The following EMC7 variants were observed in gnomAD, a reference collection of about 807,000 sequenced individuals.
EMC7 encodes endoplasmic reticulum membrane protein complex subunit 7.
In EMC7, 4 loss-of-function variants were observed where a neutral mutation model predicts 24.4. That is an observed-to-expected ratio of 0.16 (90% confidence interval 0.08 to 0.38). The LOEUF is 0.38. Ranked by LOEUF, EMC7 falls within the 10% of genes least tolerant of loss-of-function variation. The pLI is 1.00. For synonymous variants in EMC7, 106 were observed against 112.0 expected (o/e 0.95, Z 0.34); for missense variants, 221 against 300.6 (o/e 0.74, Z 1.96).
intron 4 of EMC7, among the ~76,000 whole-genome samples, chr15:34,084,755 T>A (rs936987786): frequency 7.3e-6 from 1 of 137,286 alleles, no homozygotes; most frequent in Non-Finnish European, 1.6e-5. Context: ...TTTTTTTTTT[T>A]ATTATTATAC....
chr15:34,100,791 C>T (rs1449975928), intron 1 of EMC7: 1 of 152,108 alleles, frequency 6.6e-6, no homozygotes, highest in East Asian at 1.9e-4. Context: ...ACAGTTTCAC[C>T]TCCAAGTAAG....
At chr15:34,095,870 CA>C in intron 2 of EMC7, 24 bp downstream of exon 2, 1 of 1,579,028 alleles carries the variant, frequency 6.3e-7, no homozygotes. Flanking sequence ...TAGCTTTTGG[CA>C]AAAATTAAAT....
intron 2 of EMC7, 138 bp downstream of exon 2, chr15:34,095,757 G>A (rs1003330136): frequency 1.3e-6 from 1 of 790,288 alleles, no homozygotes; most frequent in African/African-American, 1.8e-5. Context: ...AATAAACGAG[G>A]ATATTTTAAG....
At chr15:34,090,636 A>G (rs1900962264) in intron 2 of EMC7, among the ~76,000 whole-genome samples, 181 bp from the exon 3 acceptor site, 1 of 152,226 alleles carries the variant, frequency 6.6e-6, no homozygotes, top group Non-Finnish European at 1.5e-5. Context: ...CATGTCTAAA[A>G]TATGCAGCAA....
At chr15:34,093,962 C>T (rs751594536) in intron 2 of EMC7, among the ~76,000 whole-genome samples, 10 of 148,938 alleles carry the variant, frequency 6.7e-5, no homozygotes, top group African/African-American at 2.2e-4. Context: ...GAGGCTGTAG[C>T]GGGCTATGAT....
chr15:34,086,221 A>G, intron 4 of EMC7: 1 of 363,456 alleles, frequency 2.8e-6, no homozygotes. Context: ...CAGTTAAGCT[A>G]AATTTTGACA....
chr15:34,094,157 C>T (rs1901025660), intron 2 of EMC7, among the ~76,000 whole-genome samples: 1 of 151,786 alleles, frequency 6.6e-6, no homozygotes, highest in Non-Finnish European at 1.5e-5. Context: ...GTAATCCCAG[C>T]ACTTTGGGAG....
At chr15:34,092,706 G>A (rs963618548) in intron 2 of EMC7, among the ~76,000 whole-genome samples, 2 of 151,752 alleles carry the variant, frequency 1.3e-5, no homozygotes, top group Non-Finnish European at 2.9e-5. Context: ...TTTAACCTAT[G>A]CTTCAGACAT....
At chr15:34,091,073 AT>A (rs552827890) in intron 2 of EMC7, among the ~76,000 whole-genome samples, 42 of 151,912 alleles carry the variant, frequency 2.8e-4, no homozygotes, top group African/African-American at 9.7e-4. Flanking sequence ...GTGTTGGGAA[AT>A]TTTTTTTCTG....
chr15:34,087,255 G>A (rs1004239090), intron 4 of EMC7, among the ~76,000 whole-genome samples: 1 of 152,150 alleles, frequency 6.6e-6, no homozygotes, highest in African/African-American at 2.4e-5. Flanking sequence ...ATAAAATGGG[G>A]AACCTTGAAA....
intron 1 of EMC7, 33 bp downstream of exon 1, chr15:34,101,571 C>A (rs773264770): frequency 1.2e-6 from 2 of 1,608,174 alleles, no homozygotes; most frequent in Admixed American, 3.3e-5. Context: ...GCCTCCATCC[C>A]AGCCTTTTTC....
intron 1 of EMC7, among the ~76,000 whole-genome samples, chr15:34,100,209 T>A (rs2705351): frequency 1.3e-5 from 2 of 152,204 alleles, no homozygotes; most frequent in Non-Finnish European, 2.9e-5. Context: ...GACATGATGG[T>A]GTCCGCCTGT....
intron 4 of EMC7, 38 bp downstream of exon 4, chr15:34,088,015 T>TAAA: frequency 7.4e-7 from 1 of 1,359,890 alleles, no homozygotes; most frequent in South Asian, 1.3e-5. Context: ...CTCTATCTCT[T>TAAA]AAAAAAAAAA....
At chr15:34,087,751 A>G (rs1312346726) in intron 4 of EMC7, among the ~76,000 whole-genome samples, 1 of 152,246 alleles carries the variant, frequency 6.6e-6, no homozygotes, top group African/African-American at 2.4e-5. Context: ...ACATGATACT[A>G]TGTTAATACA....
rs570585328 is a variant in EMC7 at position 34,088,904 on chromosome 15, G to A, written c.496-771C>T. Among the ~76,000 whole-genome samples, 24 of 152,234 alleles carry A rather than the reference G, an allele frequency of 1.6e-4. No individual in the cohort carries two copies. In the East Asian group the frequency reaches 3.9e-3, roughly 24 times the overall value. ...ACGGTCTCGCTCTGTTCCCCGGGCT[G>A]AAGTGTGGTGGTGCAATCTTGGCTC... On this transcript the variant is annotated intron_variant, in intron 3 of 4. Coordinates refer to ENST00000256545, the MANE Select transcript of EMC7 (RefSeq NM_020154.3).
intron 2 of EMC7, 139 bp downstream of exon 2, chr15:34,095,756 G>A (rs1901054574): frequency 5.1e-6 from 4 of 787,966 alleles, no homozygotes; most frequent in Non-Finnish European, 7.1e-6. Context: ...AAATAAACGA[G>A]GATATTTTAA....
At chr15:34,087,928 G>A (rs1301501290) in intron 4 of EMC7, 125 bp downstream of exon 4, 2 of 766,970 alleles carry the variant, frequency 2.6e-6, no homozygotes, top group Non-Finnish European at 4.2e-6. Flanking sequence ...GGCTGAGGCA[G>A]GTGGATAGCT....
intron 3 of EMC7, 78 bp from the exon 4 acceptor site, chr15:34,088,211 AT>A: frequency 8.4e-7 from 1 of 1,195,122 alleles, no homozygotes; most frequent in South Asian, 1.4e-5. Flanking sequence ...TTAACAACCA[AT>A]GGTAAAATTA....
At chr15:34,086,269 T>C in intron 4 of EMC7, 1 of 303,834 alleles carries the variant, frequency 3.3e-6, no homozygotes, top group South Asian at 3.5e-5. Context: ...CTCTTAGTTG[T>C]CTTTTTGATG....
Sources: allele counts gnomAD v4.1 joint callset (sites outside exome capture counted in the v4.1 genomes callset), GRCh38; gene constraint gnomAD v4.1.1; transcripts MANE v1.5; gene names NCBI Gene and HGNC (gene_info 2026-07-23, HGNC 2026-07-21).